FGD3: variants seen among roughly 807,000 people sequenced by gnomAD.
FGD3 encodes the protein FYVE, RhoGEF and PH domain-containing protein 3.
FGD3 carries 45 observed loss-of-function variants against 71.8 expected under a neutral mutation model. The observed-to-expected ratio is 0.63, with a 90% CI of 0.49 to 0.80. FGD3 has a LOEUF of 0.80. Among genes scored for constraint, FGD3 ranks in the 30% least tolerant of loss-of-function variants. FGD3 has a pLI of 0.00. For synonymous variants in FGD3, 378 were observed against 392.8 expected, an observed-to-expected ratio of 0.96 and a Z score of 0.44; for missense variants, 844 against 951.5, an observed-to-expected ratio of 0.89 and a Z score of 1.49.
At chr9:92,971,956 C>T in intron 1 of FGD3, among the ~76,000 whole-genome samples, 1 of 144,316 alleles carries the variant, frequency 6.9e-6, no homozygotes, top group African/African-American at 2.6e-5. Context: ...ACCCATCCAC[C>T]CCCCTCCCCC....
intron 3 of FGD3, among the ~76,000 whole-genome samples, chr9:92,993,800 A>AT (rs762332024): frequency 6.6e-6 from 1 of 152,106 alleles, no homozygotes; most frequent in Non-Finnish European, 1.5e-5. Flanking sequence ...TGAACTCATC[A>AT]TTTTTTATGG....
At chr9:92,948,390 C>T (rs530167941) in intron 1 of FGD3, among the ~76,000 whole-genome samples, 59 of 152,366 alleles carry the variant, frequency 3.9e-4, no homozygotes, top group Middle Eastern at 3.4e-3. Flanking sequence ...TAGACATGGG[C>T]CGAAAGAGGC....
intron 3 of FGD3, among the ~76,000 whole-genome samples, chr9:92,984,008 T>G (rs1167948546): frequency 6.6e-6 from 1 of 152,206 alleles, no homozygotes; most frequent in Non-Finnish European, 1.5e-5. Flanking sequence ...AAAAACCTGG[T>G]AAGTAAGCAA....
At chr9:92,973,221 TCTC>T (rs1859602852) in intron 1 of FGD3, among the ~76,000 whole-genome samples, 1 of 150,906 alleles carries the variant, frequency 6.6e-6, no homozygotes, top group African/African-American at 2.4e-5. Context: ...TTCAAGCAGT[TCTC>T]CTGCCTCAGC....
At position 92,969,383 on chromosome 9, in the gene FGD3, A is replaced by C. The variant is rs535482194; in HGVS notation, c.-217-5855A>C. Among the ~76,000 whole-genome samples, 19 of 152,334 alleles carry C rather than the reference A, an allele frequency of 1.2e-4. No homozygotes were observed. Among genetic ancestry groups the C allele is most frequent in the African/African-American group, 4.6e-4 (19 of 41,570 alleles). On this transcript the variant is annotated intron_variant, in intron 1 of 17. Transcript: ENST00000375482. This position sits in a 1 kb window ranked among gnomAD's most constrained non-coding sequence, Gnocchi z 4.5. ...GTCTTCCCTCCTGACCTGGCCTCCC[A>C]CATGCTGCCCTCTCTAGTTACAGCG...
At position 92,971,602 on chromosome 9, in the gene FGD3, A is replaced by G. The variant is rs201803314; in HGVS notation, c.-217-3636A>G. ...TTTTTTTTTTTTTTTTTGAGACAGA[A>G]TCTGGCTCTTTCCCCTAGGCTGGAG... On this transcript the variant is annotated intron_variant, in intron 1 of 17. Coordinates refer to ENST00000375482, the MANE Select transcript of FGD3 (RefSeq NM_001083536.2). Among the ~76,000 whole-genome samples, 64 of 101,342 alleles carry G rather than the reference A, an allele frequency of 6.3e-4. 1 individual carries two copies. In the East Asian group the frequency reaches 0.018, roughly 28 times the overall value. The allele number at this position is 101,342 out of a possible 152,430, so 66.5% of individuals were successfully genotyped here.
rs910096880 is a variant in FGD3 at position 93,035,796 on chromosome 9, G to A, written c.*207G>A. On this transcript the variant is annotated 3_prime_UTR_variant, in exon 18 of 18. Transcript: ENST00000375482. ...GGGTCACCCAGCAAGTTTTGGCTAA[G>A]AGCCTGGCCTCCAGCCCCAGCAGTG... The A allele has an allele frequency of 2.0e-5, 14 of 692,804 alleles. No individual in the cohort carries two copies. The African/African-American group carries it at 2.4e-4, about 12-fold the overall frequency. The allele number at this position is 692,804 out of a possible 1,614,324, so 42.9% of individuals were successfully genotyped here. A position where few individuals can be genotyped will look rare whatever the true frequency, so the allele number is the denominator to read the frequency against.
intron 6 of FGD3, among the ~76,000 whole-genome samples, chr9:93,009,524 C>T (rs1861213840): frequency 6.6e-6 from 1 of 152,130 alleles, no homozygotes; most frequent in African/African-American, 2.4e-5. Flanking sequence ...CACAGGCTGC[C>T]CAGTGGGCAT....
Position 92,976,610 on chromosome 9 carries a change from G to C in FGD3, c.354G>C (p.Pro118=). The change falls in exon 3 of 18, where the codon CCG becomes CCC. Residue 118 remains proline, a synonymous_variant. Coordinates refer to ENST00000375482, the MANE Select transcript of FGD3 (RefSeq NM_001083536.2). The part of the protein sequence containing the change: ...HAEMALDSQV[P]KVTPQEEADS... ...AGATGGCCCTGGACAGCCAGGTCCC[G>C]AAGGTCACCCCCCAGGAGGAGGCGG... is the stretch of plus-strand genomic sequence containing the variant. The C allele has an allele frequency of 6.2e-7, 1 of 1,612,806 alleles. No homozygotes were observed. The highest frequency in any genetic ancestry group is 1.1e-5 in the South Asian group (1 of 90,982).
At chr9:92,948,457 T>C (rs538031608) in intron 1 of FGD3, among the ~76,000 whole-genome samples, 145 of 152,372 alleles carry the variant, frequency 9.5e-4, no homozygotes, top group African/African-American at 3.3e-3. Flanking sequence ...TGGGGATCCA[T>C]GTTGTCCCGG....
chr9:92,952,911 T>G (rs1858982866), intron 1 of FGD3, among the ~76,000 whole-genome samples: 1 of 152,206 alleles, frequency 6.6e-6, no homozygotes. Flanking sequence ...ACATGTGTTG[T>G]TGCATTCTGA....
At chr9:92,970,722 A>T (rs1010313517) in intron 1 of FGD3, among the ~76,000 whole-genome samples, 2 of 152,224 alleles carry the variant, frequency 1.3e-5, no homozygotes, top group Non-Finnish European at 2.9e-5. Flanking sequence ...AGGGGCTGGC[A>T]TTCCTCAGAC....
intron 3 of FGD3, among the ~76,000 whole-genome samples, chr9:92,990,862 ATATTGGCC>A (rs1860379315): frequency 6.6e-6 from 1 of 151,922 alleles, no homozygotes; most frequent in East Asian, 1.9e-4. Flanking sequence ...TTCATCAGGG[ATATTGGCC>A]TGTAGTTTTC....
chr9:92,993,091 G>A (rs1860483737), intron 3 of FGD3, among the ~76,000 whole-genome samples: 1 of 152,038 alleles, frequency 6.6e-6, no homozygotes, highest in African/African-American at 2.4e-5. Flanking sequence ...TTGGGATGAG[G>A]GGAGGAATGC....
intron 5 of FGD3, 32 bp from the exon 6 acceptor site, chr9:93,005,992 C>G (rs202075073): frequency 3.2e-6 from 5 of 1,570,148 alleles, no homozygotes; most frequent in East Asian, 4.5e-5. Flanking sequence ...TTGCACCCAG[C>G]TATTTCTCTG....
At chr9:93,032,732 C>T in intron 15 of FGD3, 37 bp from the exon 16 acceptor site, 1 of 1,600,356 alleles carries the variant, frequency 6.2e-7, no homozygotes. Flanking sequence ...TCCTCTGTCC[C>T]AGGGTGCTGG....
intron 14 of FGD3, among the ~76,000 whole-genome samples, chr9:93,028,207 C>CAT (rs2118828167): frequency 9.7e-6 from 1 of 102,842 alleles, no homozygotes; most frequent in Admixed American, 9.7e-5. Context: ...GACACACACA[C>CAT]ACACACACAC....
chr9:92,954,805 C>T (rs1859019081), intron 1 of FGD3, among the ~76,000 whole-genome samples: 1 of 152,152 alleles, frequency 6.6e-6, no homozygotes, highest in African/African-American at 2.4e-5. Flanking sequence ...GGGCTGTGTC[C>T]TAGAGACCAG....
intron 6 of FGD3, among the ~76,000 whole-genome samples, chr9:93,006,732 TA>T (rs548555595): frequency 6.6e-6 from 1 of 151,960 alleles, no homozygotes. Context: ...TTTTTTATTT[TA>T]TTTTTTTTTT....
Sources: allele counts gnomAD v4.1 joint callset (sites outside exome capture counted in the v4.1 genomes callset), GRCh38; gene constraint gnomAD v4.1.1; non-coding constraint Gnocchi (gnomAD v3.1); transcripts MANE v1.5; gene names NCBI Gene and HGNC (gene_info 2026-07-23, HGNC 2026-07-21).